HDLBP: variants seen among roughly 807,000 people sequenced by gnomAD.
The protein encoded by HDLBP is vigilin.
A neutral mutation model predicts 137.3 loss-of-function variants in HDLBP; 30 were observed. That is an observed-to-expected ratio of 0.22 (90% CI 0.16 to 0.30). The LOEUF (loss-of-function observed/expected upper bound fraction) is 0.30, where lower values mean the gene tolerates loss of function less well. HDLBP is among the 10% of genes least tolerant of loss of function. The probability of loss-of-function intolerance (pLI) is 1.00; values close to 1 mark genes in which losing one functional copy is unlikely to be tolerated. For missense variants in HDLBP, 1,119 were observed against 1,667.3 expected, an observed-to-expected ratio of 0.67 and a Z score of 5.73; for synonymous variants, 606 against 596.0, an observed-to-expected ratio of 1.02 and a Z score of -0.24.
chr2:241,261,754 G>A (rs914051349), intron 5 of HDLBP, among the ~76,000 whole-genome samples: 18 of 152,286 alleles, frequency 1.2e-4, no homozygotes, highest in African/African-American at 3.4e-4. Flanking sequence ...GGACTGTCCC[G>A]ATGCCCCCAT....
At chr2:241,293,699 C>T (rs985442143) in intron 1 of HDLBP, among the ~76,000 whole-genome samples, 3 of 151,928 alleles carry the variant, frequency 2.0e-5, no homozygotes, top group Non-Finnish European at 2.9e-5. Flanking sequence ...GCAGGCAGAT[C>T]GCTTGAGTCC....
intron 1 of HDLBP, among the ~76,000 whole-genome samples, chr2:241,277,957 A>G (rs1447428337): frequency 6.6e-6 from 1 of 152,080 alleles, no homozygotes; most frequent in Non-Finnish European, 1.5e-5. Flanking sequence ...GTGAAACTCC[A>G]TCTCAAAAAA....
intron 11 of HDLBP, among the ~76,000 whole-genome samples, chr2:241,252,523 T>G (rs937487801): frequency 5.9e-5 from 9 of 152,168 alleles, no homozygotes; most frequent in African/African-American, 1.9e-4. Flanking sequence ...CCTCCCCATG[T>G]TGTTTTACTT....
intron 1 of HDLBP, among the ~76,000 whole-genome samples, chr2:241,313,848 A>G (rs1455137704): frequency 1.3e-5 from 2 of 152,188 alleles, no homozygotes; most frequent in African/African-American, 4.8e-5. Flanking sequence ...GAGGGACGTG[A>G]TATAGGTCAA....
chr2:241,263,487 G>A (rs961399041), intron 4 of HDLBP, among the ~76,000 whole-genome samples: 10 of 152,118 alleles, frequency 6.6e-5, no homozygotes, highest in African/African-American at 2.4e-4. Flanking sequence ...GGAGGGACAA[G>A]GTGGAAGCAA....
chr2:241,265,630 T>C (rs1270607861), intron 3 of HDLBP, among the ~76,000 whole-genome samples: 4 of 152,236 alleles, frequency 2.6e-5, no homozygotes, highest in African/African-American at 9.6e-5. Flanking sequence ...TCCCCAGGAC[T>C]GAGCATGGCG....
In HDLBP at chr2:241,233,977, G is replaced by A; in HGVS notation, c.3145-14C>T. 6.2e-7 allele frequency: 1 copy of A among 1,614,042 alleles called. No individual in the cohort carries two copies. Among genetic ancestry groups the A allele is most frequent in the Non-Finnish European group, 8.5e-7 (1 of 1,179,922 alleles). On this transcript the variant is annotated splice_polypyrimidine_tract_variant and intron_variant, in intron 23 of 27. Transcript: ENST00000310931. This position sits in a 1 kb window ranked among gnomAD's most constrained non-coding sequence, Gnocchi z 4.3. ...ACTCCTTAAAGCCTACAAATGAAAG[G>A]AGCAAGAATGAGGCAAAGATTGAGC...
intron 10 of HDLBP, 177 bp from the exon 11 acceptor site, chr2:241,253,212 C>A: frequency 1.5e-6 from 1 of 661,292 alleles, no homozygotes; most frequent in Non-Finnish European, 2.8e-6. Context: ...TTTCCTCCAC[C>A]CACGATTATT....
At chr2:241,251,267 C>T (rs892512019) in intron 11 of HDLBP, among the ~76,000 whole-genome samples, 36 of 152,228 alleles carry the variant, frequency 2.4e-4, no homozygotes, top group Admixed American at 3.3e-4. Flanking sequence ...CCTAAACAAA[C>T]GCTACAGTTA....
intron 1 of HDLBP, among the ~76,000 whole-genome samples, chr2:241,287,424 T>C (rs999989783): frequency 3.1e-4 from 47 of 150,718 alleles, no homozygotes; most frequent in African/African-American, 8.8e-4. Context: ...TTCTTTCTTT[T>C]TTTTTTTTTT....
chr2:241,290,580 A>G (rs1314243512), intron 1 of HDLBP, among the ~76,000 whole-genome samples: 1 of 151,782 alleles, frequency 6.6e-6, no homozygotes, highest in Admixed American at 6.6e-5. Flanking sequence ...ATTGCACTCC[A>G]GCCTGGGCAA....
intron 16 of HDLBP, chr2:241,242,903 G>T (rs546849638): frequency 1.1e-4 from 62 of 562,082 alleles, no homozygotes; most frequent in Non-Finnish European, 1.8e-4. Context: ...GAGCAGGCGC[G>T]CTGGGAGGTG....
At chr2:241,266,157 A>G (rs1481934931) in intron 3 of HDLBP, among the ~76,000 whole-genome samples, 1 of 152,232 alleles carries the variant, frequency 6.6e-6, no homozygotes, top group Non-Finnish European at 1.5e-5. Context: ...ATGGAAGGAA[A>G]TGTCCCACCG....
At chr2:241,269,985 C>CT (rs1286621801) in intron 1 of HDLBP, among the ~76,000 whole-genome samples, 5 of 152,204 alleles carry the variant, frequency 3.3e-5, no homozygotes, top group East Asian at 1.9e-4. Flanking sequence ...CACCCACCCC[C>CT]TTATCAAGCT....
At position 241,228,663 on chromosome 2, in the gene HDLBP, G is replaced by GCACTC. The variant is rs1359095422; in HGVS notation, c.*937_*938insGAGTG. The GCACTC allele has an allele frequency of 6.5e-6, 1 of 152,694 alleles. No individual in the cohort carries two copies. The highest frequency in any genetic ancestry group is 2.4e-5 in the African/African-American group (1 of 41,440). The allele number at this position is 152,694 out of a possible 1,614,324, so 9.5% of individuals were successfully genotyped here. A position where few individuals can be genotyped will look rare whatever the true frequency, so the allele number is the denominator to read the frequency against. On this transcript the variant is annotated 3_prime_UTR_variant, in exon 28 of 28. Transcript: ENST00000310931. Reference sequence around the variant, plus strand: ...ACGGGTGTGTGGGGTGGCACTAACTGCACAGAGACCACTCCACGCCGGCTG... The same window carrying GCACTC: ...ACGGGTGTGTGGGGTGGCACTAACTGCACTCCACAGAGACCACTCCACGCCGGCTG...
chr2:241,249,440 G>A (rs2071942701), intron 12 of HDLBP: 1 of 480,852 alleles, frequency 2.1e-6, no homozygotes, highest in East Asian at 6.7e-5. Flanking sequence ...CTGCCAGGTG[G>A]TAGAGAGCAA....
intron 16 of HDLBP, chr2:241,243,471 G>A (rs1240393452): frequency 2.0e-5 from 3 of 152,714 alleles, no homozygotes; most frequent in Non-Finnish European, 4.4e-5. Flanking sequence ...TTTTAGCTCA[G>A]TTGGAGCCTG....
chr2:241,262,046 T>C (rs1259901766), intron 5 of HDLBP, among the ~76,000 whole-genome samples: 1 of 152,212 alleles, frequency 6.6e-6, no homozygotes, highest in East Asian at 1.9e-4. Flanking sequence ...GTGCTACCAC[T>C]TAGGGAGAAA....
chr2:241,314,330 C>T (rs2075903800), intron 1 of HDLBP, among the ~76,000 whole-genome samples: 1 of 152,176 alleles, frequency 6.6e-6, no homozygotes, highest in Non-Finnish European at 1.5e-5. Context: ...GAACATTAAG[C>T]TTATTATGCA....
Sources: allele counts gnomAD v4.1 joint callset (sites outside exome capture counted in the v4.1 genomes callset), GRCh38; gene constraint gnomAD v4.1.1; non-coding constraint Gnocchi (gnomAD v3.1); transcripts MANE v1.5; gene names NCBI Gene and HGNC (gene_info 2026-07-23, HGNC 2026-07-21).